The following SPOCK1 variants were observed in gnomAD, a reference collection of about 807,000 sequenced individuals.
SPOCK1 encodes SPARC (osteonectin), cwcv and kazal like domains proteoglycan 1, also known as testican-1.
A neutral mutation model predicts 55.3 loss-of-function variants in SPOCK1; 23 were observed. The observed-to-expected ratio is 0.42, with a 90% CI of 0.30 to 0.59. The LOEUF (loss-of-function observed/expected upper bound fraction) is 0.59. SPOCK1 is among the 20% of genes least tolerant of loss of function. SPOCK1 has a pLI of 0.22. For synonymous variants in SPOCK1, 226 were observed against 221.0 expected (o/e 1.02, Z -0.20); for missense variants, 499 against 552.5 (o/e 0.90, Z 0.97).
At chr5:137,471,130 G>A (rs1181427892) in intron 2 of SPOCK1, among the ~76,000 whole-genome samples, 2 of 152,142 alleles carry the variant, frequency 1.3e-5, no homozygotes, top group Non-Finnish European at 2.9e-5. Flanking sequence ...CTCTGTGCAG[G>A]ACTTAGCTCT....
intron 4 of SPOCK1, among the ~76,000 whole-genome samples, chr5:137,119,883 C>T (rs144841562): frequency 1.4e-4 from 21 of 152,270 alleles, no homozygotes; most frequent in African/African-American, 4.3e-4. Flanking sequence ...TTTAACATAC[C>T]AGGCATTGTT....
intron 5 of SPOCK1, among the ~76,000 whole-genome samples, chr5:137,069,456 AAAAAAGAGTGTGTCCTTGT>A (rs1290091890): frequency 7.2e-5 from 11 of 152,190 alleles, no homozygotes; most frequent in Non-Finnish European, 1.0e-4. Context: ...CTGATGAAGC[AAAAAAGAGTGTGTCCTTGT>A]AAAGCCATGT....
intron 2 of SPOCK1, among the ~76,000 whole-genome samples, chr5:137,433,772 G>A (rs942066252): frequency 3.9e-5 from 6 of 152,142 alleles, no homozygotes; most frequent in Admixed American, 3.9e-4. Flanking sequence ...ACCCTCCCAG[G>A]ACAACTTGAA....
chr5:137,136,338 T>A (rs1410816629), intron 4 of SPOCK1, among the ~76,000 whole-genome samples: 3 of 152,192 alleles, frequency 2.0e-5, no homozygotes, highest in Non-Finnish European at 2.9e-5. Flanking sequence ...AGTTCAAGGT[T>A]ACAGTGAGCT....
chr5:137,036,717 G>A (rs184052824), intron 6 of SPOCK1, among the ~76,000 whole-genome samples: 11 of 152,348 alleles, frequency 7.2e-5, no homozygotes, highest in Admixed American at 6.5e-4. Context: ...TGGGAGGGAG[G>A]CCCCTCCACC....
intron 6 of SPOCK1, among the ~76,000 whole-genome samples, chr5:137,066,826 C>T (rs983421174): frequency 6.6e-6 from 1 of 152,140 alleles, no homozygotes; most frequent in Non-Finnish European, 1.5e-5. Context: ...ACCATGATCA[C>T]ATTTAGATTT....
At chr5:137,251,060 A>G (rs1048697049) in intron 3 of SPOCK1, among the ~76,000 whole-genome samples, 2 of 152,202 alleles carry the variant, frequency 1.3e-5, no homozygotes, top group African/African-American at 4.8e-5. Flanking sequence ...GCTTGTTTCA[A>G]CATAGATTGC....
At position 136,992,564 on chromosome 5, in the gene SPOCK1, C is replaced by T. The variant is rs750490230; in HGVS notation, c.626G>A (p.Arg209Gln). ...GAGAGCTCCAAACCAATCCTTCAGC[C>T]GGGAGGCAAGGTTCCGCAACTCCTT... ...TDKELRNLAS[R>Q]LKDWFGALHE... The change falls in exon 7 of 11, where the codon CGG becomes CAG. Residue 209 changes from arginine to glutamine, a missense_variant. Transcript: ENST00000394945. The T allele has an allele frequency of 1.1e-5, 17 of 1,613,658 alleles. No homozygotes were observed. The East Asian group carries it at 2.2e-4, about 21-fold the overall frequency.
At chr5:137,140,741 A>T in intron 3 of SPOCK1, 47 bp from the exon 4 acceptor site, 1 of 996,044 alleles carries the variant, frequency 1.0e-6, no homozygotes. Flanking sequence ...CCTCCAGGGA[A>T]ATTTAATTTT....
At chr5:137,456,518 C>T (rs1373029251) in intron 2 of SPOCK1, among the ~76,000 whole-genome samples, 2 of 152,034 alleles carry the variant, frequency 1.3e-5, no homozygotes, top group Non-Finnish European at 2.9e-5. Context: ...TATTTATATC[C>T]AACGACCCAA....
intron 2 of SPOCK1, among the ~76,000 whole-genome samples, chr5:137,370,695 G>T (rs1229703): frequency 0.2 from 29,835 of 152,186 alleles, 3,494 homozygotes; most frequent in Middle Eastern, 0.32. Context: ...TGAAAAAGAA[G>T]ATCCTTTTCT....
intron 4 of SPOCK1, among the ~76,000 whole-genome samples, chr5:137,121,437 GA>G (rs1463930200): frequency 6.6e-6 from 1 of 151,750 alleles, no homozygotes; most frequent in African/African-American, 2.4e-5. Flanking sequence ...TGGCCAATGG[GA>G]AAACAGTAAG....
chr5:137,335,678 C>T (rs192030296), intron 2 of SPOCK1, among the ~76,000 whole-genome samples: 14 of 152,354 alleles, frequency 9.2e-5, no homozygotes, highest in African/African-American at 2.4e-4. Flanking sequence ...GCACACCTCC[C>T]TCCCCTCATC....
intron 4 of SPOCK1, among the ~76,000 whole-genome samples, chr5:137,116,654 A>AG (rs1452499697): frequency 1.3e-5 from 2 of 152,052 alleles, no homozygotes. Flanking sequence ...CTAAAAAAAA[A>AG]AAACTTCTAT....
chr5:137,196,624 G>A (rs1755303259), intron 3 of SPOCK1, among the ~76,000 whole-genome samples: 1 of 152,222 alleles, frequency 6.6e-6, no homozygotes, highest in South Asian at 2.1e-4. Context: ...CTTCCTCAAG[G>A]AAGCATTCCC....
At chr5:137,299,091 A>G (rs771860398) in intron 2 of SPOCK1, among the ~76,000 whole-genome samples, 1 of 152,106 alleles carries the variant, frequency 6.6e-6, no homozygotes, top group African/African-American at 2.4e-5. Context: ...GAATATTTTT[A>G]GCATACCATT....
chr5:137,006,062 A>G (rs2126971467), intron 6 of SPOCK1, among the ~76,000 whole-genome samples: 1 of 152,324 alleles, frequency 6.6e-6, no homozygotes, highest in South Asian at 2.1e-4. Context: ...CCATTGGTCT[A>G]CATGTCTGTT....
chr5:137,178,951 T>A (rs1283033336), intron 3 of SPOCK1, among the ~76,000 whole-genome samples: 1 of 152,224 alleles, frequency 6.6e-6, no homozygotes, highest in Non-Finnish European at 1.5e-5. Context: ...GCACAGTGCC[T>A]GGCCCAGAAG....
At chr5:137,448,757 G>A (rs548337561) in intron 2 of SPOCK1, among the ~76,000 whole-genome samples, 1 of 152,130 alleles carries the variant, frequency 6.6e-6, no homozygotes, top group South Asian at 2.1e-4. Context: ...CCAAACATCA[G>A]GTTCTCCGTT....
Sources: gnomAD v4.1 joint callset for allele counts (sites outside exome capture counted in the v4.1 genomes callset) on GRCh38, gnomAD v4.1.1 for gene constraint, MANE v1.5 for transcripts, NCBI Gene and HGNC (gene_info 2026-07-23, HGNC 2026-07-21) for gene names.